Variants in CA10 observed in about 807,000 individuals in gnomAD.
CA10 encodes carbonic anhydrase-related protein 10.
In CA10, 14 loss-of-function variants were observed where a neutral mutation model predicts 44.2. The ratio of observed to expected loss-of-function variants is 0.32; its 90% CI spans 0.21 to 0.50. CA10 has a LOEUF of 0.50. Ranked by LOEUF, CA10 falls within the 20% of genes least tolerant of loss-of-function variation. The probability of loss-of-function intolerance (pLI) is 0.99; values close to 1 mark genes in which losing one functional copy is unlikely to be tolerated. For missense variants in CA10, 350 were observed against 409.7 expected (o/e 0.85, Z 1.26); for synonymous variants, 159 against 141.6 (o/e 1.12, Z -0.87).
intron 1 of CA10, among the ~76,000 whole-genome samples, chr17:52,081,550 C>CA (rs1420882703): frequency 6.6e-6 from 1 of 152,080 alleles, no homozygotes; most frequent in African/African-American, 2.4e-5. Context: ...CCTGTAGTCC[C>CA]AGCACTTTGG....
intron 3 of CA10, among the ~76,000 whole-genome samples, chr17:51,770,122 G>GTT (rs11358565): frequency 2.7e-5 from 4 of 146,820 alleles, no homozygotes; most frequent in African/African-American, 7.5e-5. Flanking sequence ...AGCCTCTGTA[G>GTT]TTTTTTTTTT....
intron 2 of CA10, among the ~76,000 whole-genome samples, chr17:51,979,629 C>T (rs541202302): frequency 6.6e-5 from 10 of 152,260 alleles, no homozygotes; most frequent in Admixed American, 2.6e-4. Context: ...AGAAATCTCA[C>T]GAACGTCTCA....
intron 3 of CA10, among the ~76,000 whole-genome samples, chr17:51,930,571 G>A (rs1448291900): frequency 6.7e-6 from 1 of 148,356 alleles, no homozygotes; most frequent in Non-Finnish European, 1.5e-5. Flanking sequence ...ATTTTTGTCT[G>A]TTTTTTTCCT....
intron 3 of CA10, among the ~76,000 whole-genome samples, chr17:51,770,094 G>T (rs1224645097): frequency 2.0e-5 from 3 of 148,328 alleles, no homozygotes; most frequent in African/African-American, 7.4e-5. Context: ...TAGGACTGAG[G>T]TTAAACCTTT....
At chr17:51,831,672 G>GCAGCAGCAGCAGCAT (rs1567854462) in intron 3 of CA10, among the ~76,000 whole-genome samples, 1 of 41,578 alleles carries the variant, frequency 2.4e-5, no homozygotes, top group African/African-American at 8.9e-5. Flanking sequence ...AGAAAAAGCA[G>GCAGCAGCAGCAGCAT]CAGCAGCAGC....
chr17:51,706,190 C>G (rs1018332785), intron 4 of CA10, among the ~76,000 whole-genome samples: 6 of 152,150 alleles, frequency 3.9e-5, no homozygotes, highest in Admixed American at 1.3e-4. Context: ...TAAGCTCATG[C>G]TTAACACAAG....
intron 1 of CA10, among the ~76,000 whole-genome samples, chr17:52,102,676 G>GAACCCTCA (rs1156886368): frequency 6.6e-6 from 1 of 152,090 alleles, no homozygotes; most frequent in Non-Finnish European, 1.5e-5. Context: ...CCTCCCTCTT[G>GAACCCTCA]GGCTTCTTCA....
intron 2 of CA10, among the ~76,000 whole-genome samples, chr17:52,040,941 C>A (rs1986751467): frequency 1.3e-5 from 2 of 151,860 alleles, no homozygotes; most frequent in Non-Finnish European, 1.5e-5. Context: ...CTGAAGGTCA[C>A]AAAGGGCTGG....
chr17:52,067,147 A>C (rs1987559040), intron 2 of CA10, among the ~76,000 whole-genome samples: 1 of 152,244 alleles, frequency 6.6e-6, no homozygotes, highest in African/African-American at 2.4e-5. Context: ...AAAGGTCTTT[A>C]CAGCAGCCCT....
chr17:51,687,239 A>C (rs1165762968), intron 4 of CA10, among the ~76,000 whole-genome samples: 1 of 152,174 alleles, frequency 6.6e-6, no homozygotes, highest in Non-Finnish European at 1.5e-5. Flanking sequence ...ACTTCCTTTG[A>C]TCTTCACAGG....
chr17:51,656,537 A>G (rs1210085175), intron 4 of CA10, among the ~76,000 whole-genome samples: 5 of 152,252 alleles, frequency 3.3e-5, no homozygotes, highest in Non-Finnish European at 2.9e-5. Context: ...GTTGAACCAC[A>G]TGAAATTGAT....
chr17:51,761,564 G>T (rs1905217938), intron 3 of CA10: 1 of 152,092 alleles, frequency 6.6e-6, no homozygotes, highest in Admixed American at 6.5e-5. Context: ...ATTCCCAGGG[G>T]CTTTCATTTC....
chr17:51,641,337 C>T (rs1410314055), intron 6 of CA10, among the ~76,000 whole-genome samples: 1 of 152,158 alleles, frequency 6.6e-6, no homozygotes, highest in East Asian at 1.9e-4. Flanking sequence ...TAACCTCTTA[C>T]TTGAGGATAC....
At chr17:51,739,220 G>T (rs947438828) in intron 4 of CA10, among the ~76,000 whole-genome samples, 1 of 151,944 alleles carries the variant, frequency 6.6e-6, no homozygotes, top group South Asian at 2.1e-4. Flanking sequence ...TTCCTGCAGC[G>T]TTGGAAATGA....
chr17:51,749,196 C>T (rs530663092), intron 3 of CA10, among the ~76,000 whole-genome samples: 44 of 152,362 alleles, frequency 2.9e-4, no homozygotes, highest in African/African-American at 9.1e-4. Flanking sequence ...CTTCCCCTCC[C>T]TATAACTACA....
intron 6 of CA10, among the ~76,000 whole-genome samples, chr17:51,645,142 C>T (rs2143252004): frequency 6.6e-6 from 1 of 152,232 alleles, no homozygotes; most frequent in East Asian, 1.9e-4. Flanking sequence ...TCACCATCTC[C>T]CTGCCAATCC....
chr17:51,718,952 C>G (rs1295478636), intron 4 of CA10, among the ~76,000 whole-genome samples: 1 of 152,144 alleles, frequency 6.6e-6, no homozygotes, highest in African/African-American at 2.4e-5. Context: ...GTCTTCTATA[C>G]CTCTACTTAT....
intron 3 of CA10, among the ~76,000 whole-genome samples, chr17:51,874,410 A>G (rs1309514063): frequency 6.6e-6 from 1 of 151,838 alleles, no homozygotes; most frequent in South Asian, 2.1e-4. Flanking sequence ...AAAAAAACAA[A>G]AACTGAAAAC....
chr17:51,718,988 T>C (rs1916269252), intron 4 of CA10, among the ~76,000 whole-genome samples: 1 of 152,218 alleles, frequency 6.6e-6, no homozygotes, highest in South Asian at 2.1e-4. Flanking sequence ...ATGGGAAGCA[T>C]GGCCAGGTCC....
Sources: allele counts gnomAD v4.1 joint callset (sites outside exome capture counted in the v4.1 genomes callset), GRCh38; gene constraint gnomAD v4.1.1; transcripts MANE v1.5; gene names NCBI Gene and HGNC (gene_info 2026-07-23, HGNC 2026-07-21).